The following ZNF532 variants were observed in gnomAD, a reference collection of about 807,000 sequenced individuals.
The protein encoded by ZNF532 is zinc finger protein 532.
Under a neutral mutation model 89.3 loss-of-function variants are expected in ZNF532, and 22 were observed. The ratio of observed to expected loss-of-function variants is 0.25; its 90% CI spans 0.18 to 0.35. The LOEUF (loss-of-function observed/expected upper bound fraction) is 0.35, where lower values mean the gene tolerates loss of function less well. Among genes scored for constraint, ZNF532 ranks in the 10% least tolerant of loss-of-function variants. The pLI is 1.00. For missense variants in ZNF532, 1,132 were observed against 1,643.4 expected, an observed-to-expected ratio of 0.69 and a Z score of 5.38; for synonymous variants, 606 against 649.6, an observed-to-expected ratio of 0.93 and a Z score of 1.02.
At chr18:58,901,796 C>T (rs1045253773) in intron 2 of ZNF532, among the ~76,000 whole-genome samples, 1 of 152,158 alleles carries the variant, frequency 6.6e-6, no homozygotes, top group Admixed American at 6.5e-5. Context: ...TCCCCATCTC[C>T]TCTGGAGCTC....
chr18:58,949,799 CAT>C (rs1365501961), intron 6 of ZNF532, among the ~76,000 whole-genome samples: 3 of 152,330 alleles, frequency 2.0e-5, no homozygotes, highest in Admixed American at 6.5e-5. Context: ...CTGTATTAAA[CAT>C]GTGTGAGTTC....
chr18:58,942,042 C>A (rs985994009), intron 5 of ZNF532, among the ~76,000 whole-genome samples: 1 of 144,716 alleles, frequency 6.9e-6, no homozygotes, highest in African/African-American at 2.6e-5. Flanking sequence ...CCCCCGCCCC[C>A]CCCTCAGTCT....
Position 58,920,450 on chromosome 18 carries a change from T to G in ZNF532, c.2163T>G (p.Ser721=). Residue 721 remains serine, a synonymous_variant, in exon 3 of 10, where the codon TCT becomes TCG. Transcript: ENST00000591808. ...AGTHTVTKIQ[S]GITGTVISAP... is the part of the protein sequence containing the mutation. Reference sequence around the variant, plus strand: ...CACACACTGTCACAAAAATTCAGTCTGGCATAACTGGGACAGTCATATCGG... The same window carrying G: ...CACACACTGTCACAAAAATTCAGTCGGGCATAACTGGGACAGTCATATCGG... 6.2e-7 allele frequency: 1 copy of G among 1,613,992 alleles called. No individual in the cohort carries two copies. Among genetic ancestry groups the G allele is most frequent in the South Asian group, 1.1e-5 (1 of 91,076 alleles).
At chr18:58,959,253 G>GTTTTTTTTTTTTTTTTTTTTTTTTTTT in intron 7 of ZNF532, among the ~76,000 whole-genome samples, 1 of 121,638 alleles carries the variant, frequency 8.2e-6, no homozygotes, top group Non-Finnish European at 1.6e-5. Context: ...TCAGTTTTTT[G>GTTTTTTTTTTTTTTTTTTTTTTTTTTT]TTTTTTGTTT....
chr18:58,867,208 C>T (rs1334581388), intron 2 of ZNF532, among the ~76,000 whole-genome samples: 1 of 151,922 alleles, frequency 6.6e-6, no homozygotes, highest in Non-Finnish European at 1.5e-5. Context: ...CTTGCCACGG[C>T]TATACAGTGC....
intron 2 of ZNF532, among the ~76,000 whole-genome samples, chr18:58,914,432 A>G (rs969050329): frequency 1.3e-5 from 2 of 152,282 alleles, no homozygotes; most frequent in African/African-American, 4.8e-5. Flanking sequence ...CTGTAATCCC[A>G]GCACTCTGGG....
intron 5 of ZNF532, 55 bp downstream of exon 5, chr18:58,939,676 G>A (rs1436262149): frequency 6.5e-7 from 1 of 1,531,280 alleles, no homozygotes; most frequent in Non-Finnish European, 8.9e-7. Context: ...CAATTTAGAA[G>A]CAAGGTAGTA....
At chr18:58,961,686 C>G (rs2147208043) in intron 7 of ZNF532, among the ~76,000 whole-genome samples, 1 of 152,316 alleles carries the variant, frequency 6.6e-6, no homozygotes, top group South Asian at 2.1e-4. Context: ...AAGATGGATG[C>G]TGACAACTAG....
chr18:58,885,846 C>CAA (rs79673674), intron 2 of ZNF532, among the ~76,000 whole-genome samples: 7 of 135,252 alleles, frequency 5.2e-5, no homozygotes, highest in African/African-American at 5.6e-5. Context: ...GACAATGTCT[C>CAA]AAAAAAAAAA....
rs1215052527 is a variant in ZNF532, at chr18:58,986,034, C to T, written c.*1568C>T. 6.6e-6 allele frequency: 1 copy of T among 152,546 alleles called. No homozygotes were observed. The allele number at this position is 152,546 out of a possible 1,614,324, so 9.4% of individuals were successfully genotyped here. ...AGTAATTAATTGCAGCGACAAGCTACAGGGTGTTGCAGAATTCTTCCCACT... is the reference window on the plus strand; with the variant it reads ...AGTAATTAATTGCAGCGACAAGCTATAGGGTGTTGCAGAATTCTTCCCACT... On this transcript the variant is annotated 3_prime_UTR_variant, in exon 10 of 10. Coordinates refer to ENST00000591808, the MANE Select transcript of ZNF532 (RefSeq NM_001375912.1).
In ZNF532 at chr18:58,918,951, A is replaced by C; in HGVS notation, c.664A>C (p.Lys222Gln). ...LSVYEPFKVR[K>Q]AEDKLKESSD... ...TGTTTATGAACCTTTTAAAGTCAGA[A>C]AAGCAGAGGATAAATTGAAGGAAAG... The change falls in exon 3 of 10, where the codon AAA becomes CAA. Residue 222 changes from lysine (K) to glutamine (Q), a missense_variant. Coordinates refer to ENST00000591808, the MANE Select transcript of ZNF532 (RefSeq NM_001375912.1). 3 of 1,613,850 alleles carry C rather than the reference A, an allele frequency of 1.9e-6. No individual in the cohort carries two copies. Among genetic ancestry groups the C allele is most frequent in the Non-Finnish European group, 1.7e-6 (2 of 1,180,026 alleles).
chr18:58,903,123 C>T (rs974259677), intron 2 of ZNF532, among the ~76,000 whole-genome samples: 10 of 152,106 alleles, frequency 6.6e-5, no homozygotes, highest in African/African-American at 1.2e-4. Flanking sequence ...CCCTGTGATA[C>T]GGCTGTTAAC....
chr18:58,977,531 G>T (rs1448168339), intron 7 of ZNF532: 1 of 152,206 alleles, frequency 6.6e-6, no homozygotes, highest in Non-Finnish European at 1.5e-5. Context: ...TTGTCAAGCG[G>T]TTATGGGAAA....
At chr18:58,905,076 A>C (rs1298002779) in intron 2 of ZNF532, among the ~76,000 whole-genome samples, 1 of 152,090 alleles carries the variant, frequency 6.6e-6, no homozygotes, top group Admixed American at 6.6e-5. Context: ...TCCTGGCCTC[A>C]AGTGGTCTAC....
intron 6 of ZNF532, among the ~76,000 whole-genome samples, chr18:58,951,467 A>T (rs1369085062): frequency 6.6e-6 from 1 of 152,140 alleles, no homozygotes; most frequent in Admixed American, 6.6e-5. Context: ...TTAAATAGTT[A>T]AAAATGGAAA....
intron 2 of ZNF532, among the ~76,000 whole-genome samples, chr18:58,907,815 C>T (rs2060030900): frequency 6.6e-6 from 1 of 152,098 alleles, no homozygotes; most frequent in Non-Finnish European, 1.5e-5. Flanking sequence ...ACAAGGTGAG[C>T]CCCTGAGCTT....
At chr18:58,888,725 A>ATAT (rs1280915761) in intron 2 of ZNF532, among the ~76,000 whole-genome samples, 3 of 29,928 alleles carry the variant, frequency 1.0e-4, no homozygotes, top group African/African-American at 4.6e-4. Flanking sequence ...ATATATATAT[A>ATAT]AATTATATAT....
At chr18:58,973,112 T>G (rs1168906167) in intron 7 of ZNF532, among the ~76,000 whole-genome samples, 1 of 152,206 alleles carries the variant, frequency 6.6e-6, no homozygotes, top group Non-Finnish European at 1.5e-5. Context: ...TATATCTGTT[T>G]TTTGAGACAG....
intron 7 of ZNF532, among the ~76,000 whole-genome samples, chr18:58,960,627 TGGTA>T (rs1387139520): frequency 2.6e-5 from 4 of 152,318 alleles, no homozygotes; most frequent in Middle Eastern, 3.4e-3. Flanking sequence ...AGGGACCAGT[TGGTA>T]GGTAGAATAA....
Sources: allele counts gnomAD v4.1 joint callset (sites outside exome capture counted in the v4.1 genomes callset), GRCh38; gene constraint gnomAD v4.1.1; transcripts MANE v1.5; gene names NCBI Gene and HGNC (gene_info 2026-07-23, HGNC 2026-07-21).